CPE: variants seen among roughly 807,000 people sequenced by gnomAD.
The protein encoded by CPE is carbocypeptidase E.
CPE carries 17 observed loss-of-function variants against 53.5 expected under a neutral mutation model. The observed-to-expected ratio is 0.32, with a 90% CI of 0.22 to 0.48. The LOEUF is 0.48. Among genes scored for constraint, CPE ranks in the 20% least tolerant of loss-of-function variants. CPE has a pLI of 0.99. For missense variants in CPE, 524 were observed against 614.7 expected (o/e 0.85, Z 1.56); for synonymous variants, 226 against 228.8 (o/e 0.99, Z 0.11).
At chr4:165,437,276 G>A (rs762366149) in intron 1 of CPE, among the ~76,000 whole-genome samples, 5 of 152,192 alleles carry the variant, frequency 3.3e-5, no homozygotes, top group South Asian at 2.1e-4. Context: ...TCATGATGCC[G>A]TGCCTCAACG....
At chr4:165,411,529 T>G (rs1731042895) in intron 1 of CPE, among the ~76,000 whole-genome samples, 2 of 152,148 alleles carry the variant, frequency 1.3e-5, no homozygotes, top group Admixed American at 1.3e-4. Flanking sequence ...TATCAATGAA[T>G]GCTTCTTCTC....
chr4:165,415,154 C>CT (rs1368913423), intron 1 of CPE: 1 of 154,426 alleles, frequency 6.5e-6, no homozygotes, highest in Non-Finnish European at 1.6e-5. Flanking sequence ...CACTGACCTT[C>CT]TGATTGGTGG....
chr4:165,412,106 C>T (rs1205058117), intron 1 of CPE, among the ~76,000 whole-genome samples: 1 of 152,116 alleles, frequency 6.6e-6, no homozygotes, highest in Non-Finnish European at 1.5e-5. Flanking sequence ...TGGGCCCCAG[C>T]CAGCCTGAAA....
chr4:165,464,619 T>G, intron 2 of CPE, 33 bp downstream of exon 2: 1 of 1,527,012 alleles, frequency 6.5e-7, no homozygotes, highest in Non-Finnish European at 8.8e-7. Context: ...CAGGCGTGCT[T>G]TCTTCATTTT....
At chr4:165,465,118 A>G (rs116530324) in intron 2 of CPE, among the ~76,000 whole-genome samples, 6 of 152,188 alleles carry the variant, frequency 3.9e-5, no homozygotes, top group Middle Eastern at 3.4e-3. Flanking sequence ...AATTTAATAT[A>G]TCTTCGCTGT....
intron 3 of CPE, among the ~76,000 whole-genome samples, chr4:165,470,670 G>T (rs1732189402): frequency 6.6e-6 from 1 of 152,122 alleles, no homozygotes. Flanking sequence ...ATTCCTGGTG[G>T]TTGGAGGGCC....
chr4:165,400,324 A>T (rs6850887), intron 1 of CPE, among the ~76,000 whole-genome samples: 27,226 of 152,018 alleles, frequency 0.18, 2,596 homozygotes, highest in African/African-American at 0.24. Flanking sequence ...TGAGGGAGGG[A>T]GAATAGGCAA....
At chr4:165,396,391 C>G (rs548884786) in intron 1 of CPE, among the ~76,000 whole-genome samples, 27 of 152,288 alleles carry the variant, frequency 1.8e-4, no homozygotes, top group African/African-American at 5.8e-4. Flanking sequence ...GTCATGGTGG[C>G]TCACACCTGT....
intron 1 of CPE, among the ~76,000 whole-genome samples, chr4:165,387,592 C>T (rs1229928438): frequency 3.3e-5 from 5 of 152,046 alleles, no homozygotes; most frequent in South Asian, 2.1e-4. Context: ...GGGTGGATCA[C>T]GAGGTCGGGA....
chr4:165,404,306 T>A (rs1730919163), intron 1 of CPE: 2 of 771,584 alleles, frequency 2.6e-6, no homozygotes, highest in South Asian at 2.7e-5. Context: ...CGTGACTGCC[T>A]CATTCACAAA....
At chr4:165,476,212 T>C (rs576638829) in intron 3 of CPE, among the ~76,000 whole-genome samples, 2 of 152,304 alleles carry the variant, frequency 1.3e-5, no homozygotes, top group African/African-American at 4.8e-5. Context: ...CACTTGGAAG[T>C]AGGCCAAGCG....
chr4:165,493,498 C>T (rs568286209), intron 7 of CPE, among the ~76,000 whole-genome samples: 1 of 152,278 alleles, frequency 6.6e-6, no homozygotes, highest in South Asian at 2.1e-4. Context: ...AGATGGCGCC[C>T]TTTCCTCAGC....
intron 3 of CPE, among the ~76,000 whole-genome samples, chr4:165,468,328 A>T (rs529566031): frequency 1.1e-4 from 17 of 151,844 alleles, no homozygotes; most frequent in Non-Finnish European, 2.5e-4. Context: ...GTCTCATCTG[A>T]TACCGTTATT....
At position 165,440,459 on chromosome 4, in the gene CPE, C is replaced by T. The variant is rs553757794; in HGVS notation, c.308-23931C>T. Among the ~76,000 whole-genome samples the T allele has an allele frequency of 2.6e-4, 37 of 144,478 alleles. 2 individuals are homozygous for T. The East Asian group carries it at 7.5e-3, about 29-fold the overall frequency. The allele number at this position is 144,478 out of a possible 152,430, so 94.8% of individuals were successfully genotyped here. A position where few individuals can be genotyped will look rare whatever the true frequency, so the allele number is the denominator to read the frequency against. On this transcript the variant is annotated intron_variant, in intron 1 of 8. Transcript: ENST00000402744. Reference sequence around the variant, plus strand: ...GCTGCTGCTCTCACAACCCCACCCCCCCCCACACACACAAGCTGTGGTTTC... The same window carrying T: ...GCTGCTGCTCTCACAACCCCACCCCTCCCCACACACACAAGCTGTGGTTTC...
At chr4:165,483,282 C>T (rs2126711937) in intron 4 of CPE, among the ~76,000 whole-genome samples, 1 of 152,320 alleles carries the variant, frequency 6.6e-6, no homozygotes, top group East Asian at 1.9e-4. Flanking sequence ...CAGATAATGG[C>T]TCCTAGCTCC....
At chr4:165,389,102 A>G (rs1400033601) in intron 1 of CPE, among the ~76,000 whole-genome samples, 1 of 152,212 alleles carries the variant, frequency 6.6e-6, no homozygotes, top group African/African-American at 2.4e-5. Context: ...AAAATGCTAA[A>G]GCCATAAAAA....
At chr4:165,398,073 A>AC (rs1413436204) in intron 1 of CPE, among the ~76,000 whole-genome samples, 1 of 147,360 alleles carries the variant, frequency 6.8e-6, no homozygotes, top group African/African-American at 2.6e-5. Flanking sequence ...AAAAAAAAAC[A>AC]AAACCCCACT....
intron 1 of CPE, 147 bp from the exon 2 acceptor site, chr4:165,464,243 T>G: frequency 1.6e-6 from 1 of 636,342 alleles, no homozygotes; most frequent in East Asian, 2.9e-5. Context: ...AGAAGGGGTA[T>G]TTTAATGTCT....
chr4:165,482,283 T>A lies in CPE; in HGVS notation c.714T>A (p.Asp238Glu). The change falls in exon 4 of 9, where the codon GAT (aspartate) becomes GAA (glutamate). Residue 238 changes from aspartate to glutamate, a missense_variant. Transcript: ENST00000402744. ...ETKAVIHWIMDIPFVLSANLH... is the reference protein window; with the variant it reads ...ETKAVIHWIMEIPFVLSANLH... ...AGGCTGTCATTCATTGGATTATGGA[T>A]ATTCCTTTTGTGCTTTCTGCCAATC... is the stretch of plus-strand genomic sequence containing the variant. 1.2e-6 allele frequency: 2 copies of A among 1,614,036 alleles called. No homozygotes were observed. Among genetic ancestry groups the A allele is most frequent in the African/African-American group, 1.3e-5 (1 of 75,056 alleles).
Sources: gnomAD v4.1 joint callset for allele counts (sites outside exome capture counted in the v4.1 genomes callset) on GRCh38, gnomAD v4.1.1 for gene constraint, MANE v1.5 for transcripts, NCBI Gene and HGNC (gene_info 2026-07-23, HGNC 2026-07-21) for gene names.